Variants in HOMER1 observed in about 807,000 individuals in gnomAD.
HOMER1 encodes homer protein homolog 1.
Under a neutral mutation model 48.9 loss-of-function variants are expected in HOMER1, and 3 were observed. That is an observed-to-expected ratio of 0.06 (90% CI 0.03 to 0.16). The LOEUF is 0.16. Among genes scored for constraint, HOMER1 ranks in the 10% least tolerant of loss-of-function variants. The pLI is 1.00. For missense variants in HOMER1, 247 were observed against 411.4 expected, an observed-to-expected ratio of 0.60 and a Z score of 3.46; for synonymous variants, 134 against 146.4, an observed-to-expected ratio of 0.92 and a Z score of 0.61.
At chr5:79,474,206 ATTTTTTTT>A (rs1009644672) in intron 1 of HOMER1, among the ~76,000 whole-genome samples, 70 of 98,750 alleles carry the variant, frequency 7.1e-4, no homozygotes, top group African/African-American at 3.0e-3. Context: ...CCCAACCAAA[ATTTTTTTT>A]TTTTTTTTTT....
intron 8 of HOMER1, among the ~76,000 whole-genome samples, 187 bp from the exon 9 acceptor site, chr5:79,376,384 A>T (rs751494619): frequency 2.0e-5 from 3 of 152,154 alleles, no homozygotes; most frequent in Non-Finnish European, 4.4e-5. Context: ...ATACGATTTT[A>T]ATGACTGGCT....
At chr5:79,493,985 A>G (rs1561386361) in intron 1 of HOMER1, among the ~76,000 whole-genome samples, 1 of 152,182 alleles carries the variant, frequency 6.6e-6, no homozygotes, top group Non-Finnish European at 1.5e-5. Flanking sequence ...TTGTTAAAGG[A>G]CCATTACTTA....
chr5:79,500,724 A>C (rs1752552161), intron 1 of HOMER1, among the ~76,000 whole-genome samples: 2 of 151,724 alleles, frequency 1.3e-5, no homozygotes, highest in African/African-American at 4.8e-5. Flanking sequence ...TCCCAGGATC[A>C]AGCGATTCTT....
chr5:79,466,302 G>A (rs1056568245), intron 1 of HOMER1, among the ~76,000 whole-genome samples: 13 of 152,114 alleles, frequency 8.5e-5, no homozygotes, highest in African/African-American at 3.1e-4. Flanking sequence ...GATTGCCTGA[G>A]CCCAGGAGTT....
At chr5:79,440,490 T>G (rs73120387) in intron 4 of HOMER1, among the ~76,000 whole-genome samples, 3,118 of 152,340 alleles carry the variant, frequency 0.02, 114 homozygotes, top group African/African-American at 0.071. Flanking sequence ...CTTCTAATTT[T>G]GACCTTTAAT....
At chr5:79,508,883 T>G (rs556703399) in intron 1 of HOMER1, among the ~76,000 whole-genome samples, 17 of 152,306 alleles carry the variant, frequency 1.1e-4, no homozygotes, top group African/African-American at 3.9e-4. Flanking sequence ...GTATTGGCCT[T>G]CCTATCAGCA....
At chr5:79,376,764 T>C (rs1232669458) in intron 8 of HOMER1, among the ~76,000 whole-genome samples, 2 of 152,114 alleles carry the variant, frequency 1.3e-5, no homozygotes, top group Non-Finnish European at 2.9e-5. Context: ...CTAGAAACTG[T>C]AGTGAAGATA....
chr5:79,479,036 G>A (rs73122400), intron 1 of HOMER1, among the ~76,000 whole-genome samples: 11,946 of 152,118 alleles, frequency 0.079, 1,041 homozygotes, highest in East Asian at 0.24. Context: ...TGAAAATGAC[G>A]CAAGTTTTAA....
chr5:79,456,971 G>C lies in HOMER1; in HGVS notation c.53C>G (p.Pro18Arg), dbSNP rs955853642. 3.1e-6 allele frequency: 5 copies of C among 1,613,984 alleles called. No homozygotes were observed. The highest frequency in any genetic ancestry group is 4.5e-5 in the East Asian group (2 of 44,868). ...STRAHVFQIDPNTKKNWVPTS... is the reference protein window; with the variant it reads ...STRAHVFQIDRNTKKNWVPTS... ...GGGTACCCAGTTCTTCTTTGTGTTTGGGTCAATTTGGAAGACATGAGCTCG... is the reference window on the plus strand; with the variant it reads ...GGGTACCCAGTTCTTCTTTGTGTTTCGGTCAATTTGGAAGACATGAGCTCG... The change falls in exon 2 of 9, where the codon CCA becomes CGA. Residue 18 changes from proline (P) to arginine (R), a missense_variant. This residue lies in a region of HOMER1 where 38 missense variants were observed against 114.9 expected (regional missense o/e 0.33). Transcript: ENST00000334082.
At chr5:79,417,068 T>C (rs997850211) in intron 5 of HOMER1, among the ~76,000 whole-genome samples, 3 of 152,268 alleles carry the variant, frequency 2.0e-5, no homozygotes, top group African/African-American at 7.2e-5. Flanking sequence ...AAGGTGATGC[T>C]GTGAATTATG....
At chr5:79,503,007 G>T (rs1269552751) in intron 1 of HOMER1, among the ~76,000 whole-genome samples, 1 of 151,890 alleles carries the variant, frequency 6.6e-6, no homozygotes, top group African/African-American at 2.4e-5. Context: ...AGCCAGGACG[G>T]TCTTGATCTG....
At chr5:79,445,946 A>G (rs1750863946) in intron 4 of HOMER1, among the ~76,000 whole-genome samples, 1 of 152,228 alleles carries the variant, frequency 6.6e-6, no homozygotes, top group Non-Finnish European at 1.5e-5. Flanking sequence ...AAAGTATGTA[A>G]AACAAACCCT....
intron 5 of HOMER1, among the ~76,000 whole-genome samples, chr5:79,408,179 C>G (rs1749716840): frequency 2.6e-5 from 4 of 152,050 alleles, no homozygotes; most frequent in Non-Finnish European, 5.9e-5. Context: ...GCAATATATC[C>G]CCTGTGGTTA....
intron 1 of HOMER1, chr5:79,510,405 C>T (rs1752908661): frequency 1.6e-6 from 1 of 623,916 alleles, no homozygotes; most frequent in Non-Finnish European, 3.0e-6. Context: ...ATTCTAGGCG[C>T]TTCAGGAGCC....
intron 5 of HOMER1, among the ~76,000 whole-genome samples, chr5:79,428,170 T>C (rs963703048): frequency 6.6e-6 from 1 of 152,160 alleles, no homozygotes; most frequent in South Asian, 2.1e-4. Flanking sequence ...GCTCTATTTG[T>C]CAATGAATAA....
intron 1 of HOMER1, chr5:79,510,625 C>G: frequency 1.1e-6 from 1 of 898,470 alleles, no homozygotes; most frequent in East Asian, 2.4e-5. Flanking sequence ...GTGCCAAGGC[C>G]ATGAGTGCAC....
At chr5:79,416,435 T>C (rs1295250822) in intron 5 of HOMER1, among the ~76,000 whole-genome samples, 1 of 152,194 alleles carries the variant, frequency 6.6e-6, no homozygotes, top group Non-Finnish European at 1.5e-5. Context: ...AGTGCATAGT[T>C]TCCCATTTGA....
At chr5:79,420,002 T>TA (rs1750052830) in intron 5 of HOMER1, among the ~76,000 whole-genome samples, 2 of 151,522 alleles carry the variant, frequency 1.3e-5, no homozygotes. Context: ...TTCTTTTTTT[T>TA]ATCTGCATTA....
intron 1 of HOMER1, chr5:79,510,914 A>G: frequency 1.6e-6 from 1 of 636,838 alleles, no homozygotes; most frequent in South Asian, 1.9e-5. Context: ...CTATCTGCCA[A>G]CGTGAGGACA....
Sources: allele counts gnomAD v4.1 joint callset (sites outside exome capture counted in the v4.1 genomes callset), GRCh38; gene constraint gnomAD v4.1.1; regional missense constraint gnomAD v4.1.1; transcripts MANE v1.5; gene names NCBI Gene and HGNC (gene_info 2026-07-23, HGNC 2026-07-21).